CHD7: variants seen among roughly 807,000 people sequenced by gnomAD.
CHD7 encodes the protein chromodomain helicase DNA binding protein 7, also known as ATP-dependent chromatin remodeler CHD7.
In CHD7, 24 loss-of-function variants were observed where a neutral mutation model predicts 307.3. The ratio of observed to expected loss-of-function variants is 0.08; its 90% CI spans 0.06 to 0.11. The LOEUF (loss-of-function observed/expected upper bound fraction) is 0.11. Among genes scored for constraint, CHD7 ranks in the 10% least tolerant of loss-of-function variants. CHD7 has a pLI of 1.00. For synonymous variants in CHD7, 1,363 were observed against 1,349.9 expected, an observed-to-expected ratio of 1.01 and a Z score of -0.21; for missense variants, 3,106 against 3,727.1, an observed-to-expected ratio of 0.83 and a Z score of 4.34.
Position 60,796,237 on chromosome 8 carries a change from G to C in CHD7, c.2238+1110G>C, listed in dbSNP as rs1372491360. Among the ~76,000 whole-genome samples, 3 of 152,292 alleles carry C rather than the reference G, an allele frequency of 2.0e-5. No individual in the cohort carries two copies. In the East Asian group the frequency reaches 5.8e-4, roughly 29 times the overall value. On this transcript the variant is annotated intron_variant, in intron 4 of 37. Transcript: ENST00000423902. ...AACAGTGATACCTTTGGCAGTGTGG[G>C]TTATTATGTAATTTTATTTTATACA...
At chr8:60,826,291 CA>C (rs538874623) in intron 13 of CHD7, among the ~76,000 whole-genome samples, 68 of 152,184 alleles carry the variant, frequency 4.5e-4, no homozygotes, top group African/African-American at 1.6e-3. Context: ...AGCACATGAA[CA>C]AAATATTTAT....
At chr8:60,827,841 A>G (rs1014108787) in intron 13 of CHD7, among the ~76,000 whole-genome samples, 2 of 152,058 alleles carry the variant, frequency 1.3e-5, no homozygotes, top group Non-Finnish European at 2.9e-5. Context: ...TGCTTTCTCA[A>G]CTACTGGGAT....
intron 1 of CHD7, among the ~76,000 whole-genome samples, chr8:60,716,289 A>G (rs1031858851): frequency 2.0e-5 from 3 of 152,218 alleles, no homozygotes; most frequent in Admixed American, 1.3e-4. Context: ...TCAGAGCCAG[A>G]GCTGGATCAT....
chr8:60,714,267 C>T (rs1027220260), intron 1 of CHD7, among the ~76,000 whole-genome samples: 3 of 152,086 alleles, frequency 2.0e-5, no homozygotes, highest in East Asian at 3.9e-4. Flanking sequence ...CCCTCGCTGC[C>T]GGCACCGTGG....
At chr8:60,784,349 G>A (rs939655262) in intron 3 of CHD7, among the ~76,000 whole-genome samples, 2 of 152,172 alleles carry the variant, frequency 1.3e-5, no homozygotes, top group African/African-American at 4.8e-5. Flanking sequence ...CCTACAGAGA[G>A]CTAAAATAGA....
At chr8:60,829,646 T>C (rs945328712) in intron 14 of CHD7, among the ~76,000 whole-genome samples, 6 of 152,148 alleles carry the variant, frequency 3.9e-5, no homozygotes, top group Admixed American at 3.3e-4. Flanking sequence ...TTTTATATGC[T>C]GTAAGAGTTA....
intron 8 of CHD7, among the ~76,000 whole-genome samples, chr8:60,816,756 T>C (rs566553223): frequency 6.6e-6 from 1 of 152,284 alleles, no homozygotes; most frequent in East Asian, 1.9e-4. Flanking sequence ...AATCGTGTAA[T>C]GAAAGTACAG....
At chr8:60,761,551 C>T (rs1307177089) in intron 2 of CHD7, among the ~76,000 whole-genome samples, 2 of 151,630 alleles carry the variant, frequency 1.3e-5, no homozygotes, top group Non-Finnish European at 2.9e-5. Context: ...TCTCAGGGTA[C>T]ATGGGAACTC....
rs1804451088 is a variant in CHD7 at position 60,830,319 on chromosome 8, T to C, written c.3523-3T>C. On this transcript the variant is annotated splice_region_variant and splice_polypyrimidine_tract_variant and intron_variant, in intron 14 of 37. Transcript: ENST00000423902. ...CTAGTATTTACTTAAGGTCCTTTTT[T>C]AGGTGCAAAAACTTCAAGCTATTCT... 1 of 1,608,786 alleles carries C rather than the reference T, an allele frequency of 6.2e-7. No individual in the cohort carries two copies. The highest frequency in any genetic ancestry group is 1.3e-5 in the African/African-American group (1 of 74,450).
chr8:60,825,986 C>T (rs1003936035), intron 13 of CHD7, among the ~76,000 whole-genome samples: 1 of 152,162 alleles, frequency 6.6e-6, no homozygotes, highest in Non-Finnish European at 1.5e-5. Flanking sequence ...TATCCCTCCC[C>T]CAGCCCCCCA....
At chr8:60,704,485 G>A (rs1378328488) in intron 1 of CHD7, among the ~76,000 whole-genome samples, 5 of 152,132 alleles carry the variant, frequency 3.3e-5, no homozygotes, top group Admixed American at 6.5e-5. Flanking sequence ...CAAAGGTTCT[G>A]CGGCTACACT....
intron 15 of CHD7, among the ~76,000 whole-genome samples, chr8:60,831,579 G>T (rs1415411606): frequency 2.6e-5 from 4 of 151,916 alleles, no homozygotes; most frequent in African/African-American, 9.7e-5. Context: ...GCATTGATTA[G>T]AAATATGATT....
intron 3 of CHD7, among the ~76,000 whole-genome samples, chr8:60,785,042 T>C (rs1463408481): frequency 6.6e-6 from 1 of 152,222 alleles, no homozygotes; most frequent in South Asian, 2.1e-4. Flanking sequence ...GATACCGTTT[T>C]GCATGTGGAA....
At chr8:60,808,064 CCACCTCCCAGCACACGG>C (rs746593630) in intron 6 of CHD7, among the ~76,000 whole-genome samples, 136 bp from the exon 7 acceptor site, 1 of 152,234 alleles carries the variant, frequency 6.6e-6, no homozygotes, top group Non-Finnish European at 1.5e-5. Flanking sequence ...GTGGCCCTGG[CCACCTCCCAGCACACGG>C]TGTGCTCATC....
intron 24 of CHD7, 32 bp downstream of exon 24, chr8:60,848,636 C>G: frequency 6.6e-7 from 1 of 1,522,416 alleles, no homozygotes. Flanking sequence ...TTCTCAACCT[C>G]AGTGAGATAA....
At chr8:60,837,165 AT>A (rs973024635) in intron 17 of CHD7, among the ~76,000 whole-genome samples, 153 bp downstream of exon 17, 2 of 152,202 alleles carry the variant, frequency 1.3e-5, no homozygotes, top group Admixed American at 6.5e-5. Context: ...TAATCTGTTG[AT>A]TAATAATGTG....
Position 60,854,356 on chromosome 8 carries a change from T to A in CHD7, c.6776-7T>A. The A allele has an allele frequency of 6.2e-7, 1 of 1,612,852 alleles. No homozygotes were observed. The highest frequency in any genetic ancestry group is 8.5e-7 in the Non-Finnish European group (1 of 1,179,250). On this transcript the variant is annotated splice_region_variant and splice_polypyrimidine_tract_variant and intron_variant, in intron 31 of 37. Transcript: ENST00000423902. ...TTGTGAGTAATGCACATTAACTCAT[T>A]TCTCAGCAGGAGCTGTCTCTAGAGG... is the stretch of plus-strand genomic sequence containing the variant.
intron 1 of CHD7, among the ~76,000 whole-genome samples, chr8:60,680,448 G>GGGGCGC: frequency 6.8e-6 from 1 of 147,490 alleles, no homozygotes. Context: ...GGCGGGGGTG[G>GGGGCGC]GGGCGCTGGT....
intron 15 of CHD7, among the ~76,000 whole-genome samples, chr8:60,832,467 G>T (rs150977251): frequency 2.0e-5 from 3 of 152,352 alleles, no homozygotes; most frequent in Admixed American, 2.0e-4. Context: ...AACTAGCCAG[G>T]TCTTGAGTTG....
Sources: gnomAD v4.1 joint callset for allele counts (sites outside exome capture counted in the v4.1 genomes callset) on GRCh38, gnomAD v4.1.1 for gene constraint, MANE v1.5 for transcripts, NCBI Gene and HGNC (gene_info 2026-07-23, HGNC 2026-07-21) for gene names.